The following ZMYM1 variants were observed in gnomAD, a reference collection of about 807,000 sequenced individuals.
The protein encoded by ZMYM1 is zinc finger MYM-type protein 1.
ZMYM1 carries 39 observed loss-of-function variants against 60.0 expected under a neutral mutation model. The ratio of observed to expected loss-of-function variants is 0.65; its 90% CI spans 0.50 to 0.85. ZMYM1 has a LOEUF of 0.85. Among genes scored for constraint, ZMYM1 ranks in the 40% least tolerant of loss-of-function variants. The pLI is 0.00. For synonymous variants in ZMYM1, 413 were observed against 454.0 expected (o/e 0.91, Z 1.15); for missense variants, 1,171 against 1,309.5 (o/e 0.89, Z 1.63).
At chr1:35,094,116 G>A in intron 2 of ZMYM1, 33 bp downstream of exon 2, 3 of 1,568,678 alleles carry the variant, frequency 1.9e-6, no homozygotes, top group Non-Finnish European at 2.6e-6. Context: ...ATTATTTCTA[G>A]AGCAGCATTT....
At position 35,066,349 on chromosome 1, in the gene ZMYM1, C is replaced by T. The variant is rs752501674; in HGVS notation, c.-301+6424C>T. ...AGTAGCTGGGATTACAGGCACACGC[C>T]ACCACGCCCAGCTAATTTTTGCATT... On this transcript the variant is annotated intron_variant, in intron 1 of 10. Transcript: ENST00000417119. Among the ~76,000 whole-genome samples the T allele has an allele frequency of 1.5e-3, 227 of 152,286 alleles. 6 individuals are homozygous for T. Among genetic ancestry groups the T allele is most frequent in the East Asian group, 5.8e-4 (3 of 5,160 alleles).
At chr1:35,104,245 T>C in intron 4 of ZMYM1, 50 bp from the exon 5 acceptor site, 1 of 1,427,708 alleles carries the variant, frequency 7.0e-7, no homozygotes, top group Non-Finnish European at 9.4e-7. Context: ...TAAAGAGAAG[T>C]TATAATTGTG....
chr1:35,097,179 C>T (rs1177220777), intron 3 of ZMYM1, 138 bp from the exon 4 acceptor site: 2 of 947,924 alleles, frequency 2.1e-6, no homozygotes, highest in Non-Finnish European at 1.6e-6. Flanking sequence ...ATGATCGTAT[C>T]ACTACACTGC....
chr1:35,085,943 T>C (rs986116846), intron 1 of ZMYM1, among the ~76,000 whole-genome samples: 2 of 152,178 alleles, frequency 1.3e-5, no homozygotes, highest in African/African-American at 4.8e-5. Flanking sequence ...TGGAATAAAA[T>C]GAGTTCCATC....
intron 2 of ZMYM1, 73 bp downstream of exon 2, chr1:35,094,156 A>G (rs577406995): frequency 7.5e-7 from 1 of 1,325,750 alleles, no homozygotes; most frequent in African/African-American, 1.5e-5. Context: ...AAAGGTGCTG[A>G]AATGATTCAT....
intron 6 of ZMYM1, among the ~76,000 whole-genome samples, chr1:35,107,530 A>G (rs555823696): frequency 6.6e-6 from 1 of 152,040 alleles, no homozygotes; most frequent in African/African-American, 2.4e-5. Context: ...ATGGGGCAAG[A>G]CTGATTTGGG....
chr1:35,087,799 A>T (rs1209956377), intron 1 of ZMYM1, among the ~76,000 whole-genome samples: 3 of 151,838 alleles, frequency 2.0e-5, no homozygotes, highest in Non-Finnish European at 4.4e-5. Context: ...GCAGTGGCTC[A>T]TGCCTGTAAT....
intron 1 of ZMYM1, among the ~76,000 whole-genome samples, chr1:35,073,637 AG>A (rs1642113495): frequency 6.6e-6 from 1 of 151,686 alleles, no homozygotes; most frequent in African/African-American, 2.4e-5. Context: ...AAATAAAAAA[AG>A]AAAAGAAAAG....
Position 35,115,121 on chromosome 1 carries a change from A to T in ZMYM1, c.3291A>T (p.Leu1097Phe). Residue 1097 changes from leucine (L) to phenylalanine (F), a missense_variant, in exon 10 of 10, where the codon TTA (leucine) becomes TTT (phenylalanine). Transcript: ENST00000359858. ...FSTLPRLKTYLCNTMGQEKLT... is the reference protein window; with the variant it reads ...FSTLPRLKTYFCNTMGQEKLT... ...CCCTGCCTCGTCTTAAGACATATTT[A>T]TGTAATACCATGGGACAAGAGAAGC... 2 of 1,614,096 alleles carry T rather than the reference A, an allele frequency of 1.2e-6. No individual in the cohort carries two copies. Among genetic ancestry groups the T allele is most frequent in the Non-Finnish European group, 1.7e-6 (2 of 1,179,988 alleles).
Position 35,108,699 on chromosome 1 carries a change from A to ATTT in ZMYM1, c.808-1573_808-1571dup, listed in dbSNP as rs771920421. 4.5e-3 allele frequency among the ~76,000 whole-genome samples: 484 copies of ATTT among 106,752 alleles called. 8 individuals are homozygous for ATTT. Among genetic ancestry groups the ATTT allele is most frequent in the East Asian group, 0.022 (75 of 3,470 alleles). 70.0% of individuals were successfully genotyped at this position (106,752 alleles called of 152,430 possible). ...CAAAAGCAGTTTTGTTCCATCGGTG[A>ATTT]TTTTTTTTTTTTTTTTTTTTTTTTA... On this transcript the variant is annotated intron_variant, in intron 6 of 9. Transcript: ENST00000359858.
intron 1 of ZMYM1, among the ~76,000 whole-genome samples, chr1:35,068,085 C>T (rs1248606316): frequency 6.6e-6 from 1 of 151,676 alleles, no homozygotes; most frequent in Non-Finnish European, 1.5e-5. Context: ...CAGCACTCAG[C>T]CTAAAATTTT....
chr1:35,083,919 T>G (rs868739880), intron 1 of ZMYM1, among the ~76,000 whole-genome samples: 3 of 152,218 alleles, frequency 2.0e-5, no homozygotes, highest in African/African-American at 7.2e-5. Flanking sequence ...TGCCTGGTAT[T>G]TTCTTTCAAA....
At chr1:35,062,755 A>G (rs1369521173) in intron 1 of ZMYM1, among the ~76,000 whole-genome samples, 3 of 152,230 alleles carry the variant, frequency 2.0e-5, no homozygotes, top group African/African-American at 7.2e-5. Context: ...ATGGCTTACA[A>G]AACGATGAGA....
At chr1:35,100,966 T>TG (rs1239584649) in intron 4 of ZMYM1, among the ~76,000 whole-genome samples, 2 of 151,850 alleles carry the variant, frequency 1.3e-5, no homozygotes, top group East Asian at 3.9e-4. Context: ...ACCCTGCCTG[T>TG]CCAGTTTTTG....
chr1:35,088,693 T>G (rs1031535542), intron 1 of ZMYM1, among the ~76,000 whole-genome samples: 19 of 151,464 alleles, frequency 1.3e-4, no homozygotes, highest in Admixed American at 4.6e-4. Context: ...ATGTGCATCT[T>G]GTTGGAAAAG....
upstream of ZMYM1, among the ~76,000 whole-genome samples, chr1:35,074,479 G>C (rs1250512301): frequency 6.6e-6 from 1 of 151,986 alleles, no homozygotes; most frequent in East Asian, 1.9e-4. Context: ...CGCCGTCTTG[G>C]CTCACTGCAA....
chr1:35,073,796 T>C (rs1001458712), intron 1 of ZMYM1, among the ~76,000 whole-genome samples: 5 of 152,066 alleles, frequency 3.3e-5, no homozygotes, highest in African/African-American at 9.7e-5. Flanking sequence ...TCCCTATGAT[T>C]TTGTGATGAT....
chr1:35,072,180 T>C (rs1642079052), intron 1 of ZMYM1, among the ~76,000 whole-genome samples: 1 of 152,186 alleles, frequency 6.6e-6, no homozygotes, highest in South Asian at 2.1e-4. Context: ...CATTGGGTCC[T>C]GGATGTGTTT....
At chr1:35,106,478 A>G (rs902810572) in intron 6 of ZMYM1, among the ~76,000 whole-genome samples, 3 of 152,044 alleles carry the variant, frequency 2.0e-5, no homozygotes, top group Non-Finnish European at 4.4e-5. Context: ...GCATGGTGGC[A>G]GGCGCCTATA....
Sources: allele counts gnomAD v4.1 joint callset (sites outside exome capture counted in the v4.1 genomes callset), GRCh38; gene constraint gnomAD v4.1.1; transcripts MANE v1.5; gene names NCBI Gene and HGNC (gene_info 2026-07-23, HGNC 2026-07-21).